Variants in MACROD2 observed in about 807,000 individuals in gnomAD.
MACROD2 encodes ADP-ribose glycohydrolase MACROD2.
MACROD2 carries 36 observed loss-of-function variants against 70.4 expected under a neutral mutation model. The ratio of observed to expected loss-of-function variants is 0.51; its 90% CI spans 0.39 to 0.68. The LOEUF is 0.68. MACROD2 is among the 30% of genes least tolerant of loss of function. The pLI, the probability that MACROD2 is intolerant of heterozygous loss-of-function variation, is 0.00. For missense variants in MACROD2, 496 were observed against 538.4 expected, an observed-to-expected ratio of 0.92 and a Z score of 0.78; for synonymous variants, 172 against 178.8, an observed-to-expected ratio of 0.96 and a Z score of 0.30.
chr20:14,456,489 AT>A (rs2084303571), intron 3 of MACROD2, among the ~76,000 whole-genome samples: 1 of 151,814 alleles, frequency 6.6e-6, no homozygotes, highest in Admixed American at 6.5e-5. Flanking sequence ...TCATTAAAAT[AT>A]TTTGGGAATC....
At position 15,830,817 on chromosome 20, in the gene MACROD2, A is replaced by T. The variant is rs553597958; in HGVS notation, c.646-31928A>T. The stretch of plus-strand genomic sequence containing the variant: ...ATATACATCAAGCTATTTGCAAACA[A>T]AAAACACCATACAAATTTAAATGAC... On this transcript the variant is annotated intron_variant, in intron 8 of 17. Transcript: ENST00000684519. Among the ~76,000 whole-genome samples the T allele has an allele frequency of 6.4e-4, 98 of 152,364 alleles. 1 individual carries two copies. The highest frequency in any genetic ancestry group is 2.3e-3 in the African/African-American group (95 of 41,590).
At chr20:14,101,993 C>CTT (rs66890047) in intron 3 of MACROD2, among the ~76,000 whole-genome samples, 383 of 25,058 alleles carry the variant, frequency 0.015, 31 homozygotes, top group Non-Finnish European at 0.022. Flanking sequence ...TTTAATGAGT[C>CTT]TTTTTTTTTT....
intron 15 of MACROD2, among the ~76,000 whole-genome samples, chr20:15,992,883 G>A (rs1012859535): frequency 4.7e-4 from 72 of 152,224 alleles, no homozygotes; most frequent in African/African-American, 1.7e-3. Context: ...CCGAATTAGA[G>A]TTCTACAACT....
chr20:15,482,256 A>G (rs572386873), intron 7 of MACROD2, among the ~76,000 whole-genome samples: 1 of 152,232 alleles, frequency 6.6e-6, no homozygotes, highest in Non-Finnish European at 1.5e-5. Flanking sequence ...TTTTTTACTA[A>G]TAAGTATGGT....
chr20:14,902,941 A>T (rs1330829351), intron 5 of MACROD2, among the ~76,000 whole-genome samples: 1 of 151,968 alleles, frequency 6.6e-6, no homozygotes, highest in Non-Finnish European at 1.5e-5. Context: ...ACAAGGAAAG[A>T]TTATAGGTCA....
intron 8 of MACROD2, among the ~76,000 whole-genome samples, chr20:15,806,719 A>C (rs1015676253): frequency 1.3e-5 from 2 of 152,170 alleles, no homozygotes; most frequent in Non-Finnish European, 2.9e-5. Context: ...GTGTGGAGGA[A>C]TGGGCATTCA....
chr20:15,109,841 A>G (rs2075941046), intron 5 of MACROD2, among the ~76,000 whole-genome samples: 1 of 152,174 alleles, frequency 6.6e-6, no homozygotes, highest in South Asian at 2.1e-4. Flanking sequence ...CAAAATTCCA[A>G]AAAGAATTTA....
At chr20:14,095,539 T>C (rs1312389511) in intron 3 of MACROD2, among the ~76,000 whole-genome samples, 1 of 152,188 alleles carries the variant, frequency 6.6e-6, no homozygotes, top group Non-Finnish European at 1.5e-5. Context: ...AGCCAGTAAG[T>C]AGATCTAGAG....
chr20:15,829,117 A>AG (rs2064028209), intron 8 of MACROD2, among the ~76,000 whole-genome samples: 1 of 152,110 alleles, frequency 6.6e-6, no homozygotes. Context: ...ATCGGAAAAA[A>AG]AAAACTGAAG....
intron 3 of MACROD2, among the ~76,000 whole-genome samples, chr20:14,106,437 G>A (rs1408407167): frequency 3.3e-5 from 5 of 152,172 alleles, no homozygotes; most frequent in African/African-American, 1.2e-4. Flanking sequence ...AATCTCTAAG[G>A]TTTTTGACTA....
intron 3 of MACROD2, among the ~76,000 whole-genome samples, chr20:14,423,096 G>T (rs747455648): frequency 6.6e-6 from 1 of 152,134 alleles, no homozygotes; most frequent in Admixed American, 6.6e-5. Flanking sequence ...CAAATAATTT[G>T]CAAATAAAGT....
chr20:14,251,424 C>A (rs1204813984), intron 3 of MACROD2, among the ~76,000 whole-genome samples: 2 of 151,942 alleles, frequency 1.3e-5, no homozygotes, highest in African/African-American at 4.8e-5. Context: ...ACTTGTGTTT[C>A]CAAGGGTATA....
chr20:14,552,037 A>T (rs1978686924), intron 4 of MACROD2, among the ~76,000 whole-genome samples: 1 of 152,038 alleles, frequency 6.6e-6, no homozygotes, highest in African/African-American at 2.4e-5. Context: ...TCCTTTTTAC[A>T]GATAAAAGTA....
chr20:14,791,971 TA>T (rs35149710), intron 5 of MACROD2, among the ~76,000 whole-genome samples: 10,740 of 152,090 alleles, frequency 0.071, 493 homozygotes, highest in African/African-American at 0.12. Flanking sequence ...AAAATCTTTT[TA>T]TATTCCCAAT....
At chr20:15,959,925 C>A (rs527447224) in intron 12 of MACROD2, among the ~76,000 whole-genome samples, 1 of 152,104 alleles carries the variant, frequency 6.6e-6, no homozygotes, top group Non-Finnish European at 1.5e-5. Context: ...CTTGCAAGAA[C>A]CACAAAGTGA....
At chr20:14,330,790 G>A (rs2082821781) in intron 3 of MACROD2, among the ~76,000 whole-genome samples, 1 of 152,008 alleles carries the variant, frequency 6.6e-6, no homozygotes. Context: ...GCTCATTATT[G>A]TCAAATTCCA....
chr20:14,206,813 A>T (rs1301202852), intron 3 of MACROD2, among the ~76,000 whole-genome samples: 3 of 151,892 alleles, frequency 2.0e-5, no homozygotes, highest in African/African-American at 7.3e-5. Flanking sequence ...AAGTTCCAAA[A>T]TTCCCATTAT....
chr20:14,564,464 A>T (rs1438143253), intron 4 of MACROD2, among the ~76,000 whole-genome samples: 3 of 152,084 alleles, frequency 2.0e-5, no homozygotes, highest in Non-Finnish European at 4.4e-5. Flanking sequence ...CAAAGGTCTA[A>T]TATCCAGAAT....
At chr20:15,031,655 C>T (rs919034085) in intron 5 of MACROD2, among the ~76,000 whole-genome samples, 1 of 152,120 alleles carries the variant, frequency 6.6e-6, no homozygotes, top group Non-Finnish European at 1.5e-5. Flanking sequence ...ATTCCCGCAG[C>T]TGTTAGTACC....
Sources: allele counts gnomAD v4.1 joint callset (sites outside exome capture counted in the v4.1 genomes callset), GRCh38; gene constraint gnomAD v4.1.1; transcripts MANE v1.5; gene names NCBI Gene and HGNC (gene_info 2026-07-23, HGNC 2026-07-21).